The following RNF152 variants were observed in gnomAD, a reference collection of about 807,000 sequenced individuals.
RNF152 encodes the protein E3 ubiquitin-protein ligase RNF152.
RNF152 carries 11 observed loss-of-function variants against 12.7 expected under a neutral mutation model. The ratio of observed to expected loss-of-function variants is 0.86; its 90% CI spans 0.54 to 1.43. RNF152 has a LOEUF of 1.43. Ranked by LOEUF, RNF152 falls within the 40% of genes most tolerant of loss-of-function variation. The pLI, the probability that RNF152 is intolerant of heterozygous loss-of-function variation, is 0.00. For missense variants in RNF152, 255 were observed against 274.8 expected (o/e 0.93, Z 0.51); for synonymous variants, 113 against 120.3 (o/e 0.94, Z 0.40).
At chr18:61,884,993 C>G (rs1231748944) in intron 1 of RNF152, among the ~76,000 whole-genome samples, 2 of 152,142 alleles carry the variant, frequency 1.3e-5, no homozygotes, top group African/African-American at 2.4e-5. Context: ...TTCTGAAGTA[C>G]CAATGTAAAG....
At chr18:61,881,242 A>C (rs1912452007) in intron 1 of RNF152, among the ~76,000 whole-genome samples, 1 of 152,102 alleles carries the variant, frequency 6.6e-6, no homozygotes, top group Non-Finnish European at 1.5e-5. Flanking sequence ...TTTTCACTGT[A>C]ATCAGCTTGG....
chr18:61,874,092 T>G (rs1221630000), intron 1 of RNF152, among the ~76,000 whole-genome samples: 1 of 152,242 alleles, frequency 6.6e-6, no homozygotes, highest in Non-Finnish European at 1.5e-5. Context: ...ATATAAAAAC[T>G]AATTTCATAC....
rs1908832048 is a variant in RNF152 at position 61,812,098 on chromosome 18, A to G, written c.*3754T>C. 1 of 152,190 alleles carries G rather than the reference A, an allele frequency of 6.6e-6. No individual in the cohort carries two copies. The highest frequency in any genetic ancestry group is 1.5e-5 in the Non-Finnish European group (1 of 68,038). 9.4% of individuals were successfully genotyped at this position (152,190 alleles called of 1,614,324 possible). ...CTCACCTTAGCCTCACTGTTACTCC[A>G]TTAATACCTTGATGCTGGATCCCCA... On this transcript the variant is annotated 3_prime_UTR_variant, in exon 2 of 2. Coordinates refer to ENST00000312828, the MANE Select transcript of RNF152 (RefSeq NM_173557.3).
At chr18:61,846,169 C>A (rs1034399769) in intron 1 of RNF152, among the ~76,000 whole-genome samples, 2 of 152,050 alleles carry the variant, frequency 1.3e-5, no homozygotes, top group African/African-American at 4.8e-5. Context: ...TATTATAGCA[C>A]CTGAAAGGAC....
At chr18:61,840,838 G>T (rs890292577) in intron 1 of RNF152, among the ~76,000 whole-genome samples, 2 of 152,152 alleles carry the variant, frequency 1.3e-5, no homozygotes, top group Non-Finnish European at 2.9e-5. Flanking sequence ...GAAGTGACAA[G>T]GTCTGTTCTC....
chr18:61,855,496 A>G (rs936496275), intron 1 of RNF152, among the ~76,000 whole-genome samples: 2 of 152,192 alleles, frequency 1.3e-5, no homozygotes, highest in South Asian at 4.1e-4. Flanking sequence ...AATTCCTCGC[A>G]TCTCCAACTT....
At chr18:61,862,684 G>T (rs183133057) in intron 1 of RNF152, among the ~76,000 whole-genome samples, 5 of 152,092 alleles carry the variant, frequency 3.3e-5, no homozygotes, top group Non-Finnish European at 2.9e-5. Flanking sequence ...TCTCTTCATC[G>T]GTATCCTTTG....
chr18:61,841,515 C>T (rs1230597103), intron 1 of RNF152, among the ~76,000 whole-genome samples: 2 of 151,970 alleles, frequency 1.3e-5, no homozygotes, highest in Non-Finnish European at 2.9e-5. Context: ...TCTTTCCAAC[C>T]ATCATTTCAG....
chr18:61,828,238 T>C (rs1452460955), intron 1 of RNF152, among the ~76,000 whole-genome samples: 1 of 139,304 alleles, frequency 7.2e-6, no homozygotes, highest in Admixed American at 7.2e-5. Flanking sequence ...TTTGCGTTTT[T>C]TCTTCCTTCC....
chr18:61,830,816 G>C (rs529399642), intron 1 of RNF152, among the ~76,000 whole-genome samples: 3 of 152,298 alleles, frequency 2.0e-5, no homozygotes, highest in South Asian at 4.2e-4. Flanking sequence ...GATGGAGGAA[G>C]CATTTTTGAG....
chr18:61,862,525 G>A (rs922029185), intron 1 of RNF152, among the ~76,000 whole-genome samples: 3 of 152,144 alleles, frequency 2.0e-5, no homozygotes, highest in Non-Finnish European at 4.4e-5. Context: ...GGACAGGAAT[G>A]CTAGTGTCAT....
chr18:61,864,564 G>A (rs1054642944), intron 1 of RNF152, among the ~76,000 whole-genome samples: 3 of 152,122 alleles, frequency 2.0e-5, no homozygotes, highest in South Asian at 2.1e-4. Context: ...AGACATGGTC[G>A]ATTAAATCAT....
At chr18:61,894,329 G>A (rs1174715559), upstream of RNF152, 1 of 151,128 alleles carries the variant, frequency 6.6e-6, no homozygotes. This position sits in a 1 kb window ranked among gnomAD's most constrained non-coding sequence, Gnocchi z 4.9. Context: ...GGCGCCTGCA[G>A]CCCCAGCACC....
At chr18:61,879,094 C>T (rs929396662) in intron 1 of RNF152, among the ~76,000 whole-genome samples, 1 of 152,112 alleles carries the variant, frequency 6.6e-6, no homozygotes, top group African/African-American at 2.4e-5. Context: ...TACAGTCTGC[C>T]CTCCATATCT....
At chr18:61,855,390 CT>C (rs904085455) in intron 1 of RNF152, among the ~76,000 whole-genome samples, 1 of 152,220 alleles carries the variant, frequency 6.6e-6, no homozygotes, top group Admixed American at 6.5e-5. Context: ...GGGACGCCAG[CT>C]GTAGTGGGGG....
rs915921251 is a variant in RNF152 at position 61,811,169 on chromosome 18, T to C, written c.*4683A>G. The C allele has an allele frequency of 6.6e-6, 1 of 152,074 alleles. No homozygotes were observed. Among genetic ancestry groups the C allele is most frequent in the Non-Finnish European group, 1.5e-5 (1 of 68,022 alleles). 9.4% of individuals were successfully genotyped at this position (152,074 alleles called of 1,614,324 possible). On this transcript the variant is annotated 3_prime_UTR_variant, in exon 2 of 2. Transcript: ENST00000312828. ...TAAAATGAAGTAAATGTATTTTGTA[T>C]ATATTCCATTTGGAAAACAATGAAA...
Position 61,815,986 on chromosome 18 carries a change from C to T in RNF152, c.478G>A (p.Val160Met), listed in dbSNP as rs371073949. Residue 160 changes from valine to methionine, a missense_variant, in exon 2 of 2, where the codon GTG becomes ATG. Transcript: ENST00000312828. ...CCCGACCAGGTGGAGCTTTTCACCA[C>T]GCCCCGCCTGTCCTGCTCCTCCTCC... ...AVEEEQDRRGVVKSSTWSGVC... is the reference protein window; with the variant it reads ...AVEEEQDRRGMVKSSTWSGVC... 93 of 1,614,110 alleles carry T rather than the reference C, an allele frequency of 5.8e-5. No individual in the cohort carries two copies. The highest frequency in any genetic ancestry group is 4.9e-4 in the Middle Eastern group (3 of 6,084).
At chr18:61,872,090 A>G (rs1249592474) in intron 1 of RNF152, among the ~76,000 whole-genome samples, 1 of 152,170 alleles carries the variant, frequency 6.6e-6, no homozygotes, top group Non-Finnish European at 1.5e-5. Flanking sequence ...ACTTACAAAC[A>G]TGGTGGAAGG....
chr18:61,812,338 T>C lies in RNF152; in HGVS notation c.*3514A>G, dbSNP rs1384479330. ...TTTCCATCATCACAGAAAGCCCTAT[T>C]GAACAGTGCCAATCTAGAAGATCTC... On this transcript the variant is annotated 3_prime_UTR_variant, in exon 2 of 2. Transcript: ENST00000312828. 1 of 152,216 alleles carries C rather than the reference T, an allele frequency of 6.6e-6. No individual in the cohort carries two copies. Among genetic ancestry groups the C allele is most frequent in the Non-Finnish European group, 1.5e-5 (1 of 68,042 alleles). 9.4% of individuals were successfully genotyped at this position (152,216 alleles called of 1,614,324 possible).
Sources: allele counts gnomAD v4.1 joint callset (sites outside exome capture counted in the v4.1 genomes callset), GRCh38; gene constraint gnomAD v4.1.1; non-coding constraint Gnocchi (gnomAD v3.1); transcripts MANE v1.5; gene names NCBI Gene and HGNC (gene_info 2026-07-23, HGNC 2026-07-21).